Variants in BDNF observed in about 807,000 individuals in gnomAD.
The protein encoded by BDNF is neurotrophic factor BDNF precursor form.
A neutral mutation model predicts 19.5 loss-of-function variants in BDNF; 1 was observed. That is an observed-to-expected ratio of 0.05 (90% confidence interval 0.02 to 0.24). BDNF has a LOEUF of 0.24. BDNF is among the 10% of genes least tolerant of loss of function. The probability of loss-of-function intolerance (pLI) is 1.00; values close to 1 mark genes in which losing one functional copy is unlikely to be tolerated. For synonymous variants in BDNF, 100 were observed against 121.6 expected (o/e 0.82, Z 1.17); for missense variants, 195 against 317.6 (o/e 0.61, Z 2.93).
At chr11:27,667,173 C>T (rs1854498964) in intron 1 of BDNF, among the ~76,000 whole-genome samples, 1 of 152,110 alleles carries the variant, frequency 6.6e-6, no homozygotes, top group Middle Eastern at 3.2e-3. Flanking sequence ...AACTAAGCTT[C>T]ATAAGTGAAG....
intron 1 of BDNF, among the ~76,000 whole-genome samples, chr11:27,697,245 C>G (rs1859197903): frequency 6.6e-6 from 1 of 151,964 alleles, no homozygotes; most frequent in African/African-American, 2.4e-5. Context: ...AACAAGTTCT[C>G]TGCTATACTA....
At chr11:27,670,565 A>G (rs1055106009) in intron 1 of BDNF, among the ~76,000 whole-genome samples, 4 of 152,238 alleles carry the variant, frequency 2.6e-5, no homozygotes, top group Admixed American at 2.6e-4. Context: ...TTTACAAGAA[A>G]AAATCAAATG....
intron 1 of BDNF, among the ~76,000 whole-genome samples, chr11:27,714,404 A>G (rs919512293): frequency 1.3e-5 from 2 of 152,194 alleles, no homozygotes; most frequent in South Asian, 2.1e-4. Context: ...TTTGATTTTA[A>G]AAGGAAATGA....
At chr11:27,688,800 AC>A (rs1857849866) in intron 1 of BDNF, among the ~76,000 whole-genome samples, 1 of 152,106 alleles carries the variant, frequency 6.6e-6, no homozygotes, top group Admixed American at 6.5e-5. Flanking sequence ...TGCAGAAATC[AC>A]CCACCTTCTG....
chr11:27,713,952 A>C (rs1860428408), intron 1 of BDNF, among the ~76,000 whole-genome samples: 1 of 152,232 alleles, frequency 6.6e-6, no homozygotes, highest in South Asian at 2.1e-4. Flanking sequence ...TTTATTTTTA[A>C]ATTAATACTT....
intron 1 of BDNF, among the ~76,000 whole-genome samples, chr11:27,694,838 A>G (rs968650453): frequency 1.3e-5 from 2 of 152,204 alleles, no homozygotes; most frequent in Non-Finnish European, 2.9e-5. Flanking sequence ...TGTATCTCAG[A>G]AAGTATAATG....
chr11:27,681,288 C>T (rs1241979507), intron 1 of BDNF, among the ~76,000 whole-genome samples: 2 of 152,160 alleles, frequency 1.3e-5, no homozygotes, highest in East Asian at 3.8e-4. Context: ...CATGAAGTGT[C>T]TGTTTAGGAA....
intron 1 of BDNF, among the ~76,000 whole-genome samples, chr11:27,712,570 G>A (rs1201489376): frequency 6.6e-6 from 1 of 150,602 alleles, no homozygotes; most frequent in Non-Finnish European, 1.5e-5. Context: ...AGGCTGGAGT[G>A]CAGTGGCTAA....
chr11:27,697,164 C>CAGAGAGAGAGAGAGAGAGAGAGAG (rs72348822), intron 1 of BDNF, among the ~76,000 whole-genome samples: 7 of 133,084 alleles, frequency 5.3e-5, no homozygotes, highest in African/African-American at 1.7e-4. Flanking sequence ...CACACACACA[C>CAGAGAGAGAGAGAGAGAGAGAGAG]AGAGAGAGAG....
intron 1 of BDNF, among the ~76,000 whole-genome samples, chr11:27,669,897 GA>G (rs369811230): frequency 5.3e-5 from 8 of 151,758 alleles, no homozygotes; most frequent in African/African-American, 1.5e-4. Context: ...CACAGAATTG[GA>G]AAAAAACTAC....
chr11:27,706,765 A>T (rs1013543766), intron 1 of BDNF, among the ~76,000 whole-genome samples: 1 of 152,208 alleles, frequency 6.6e-6, no homozygotes, highest in East Asian at 1.9e-4. Context: ...GGGAAAAACT[A>T]AAGGGAAGAT....
At chr11:27,677,990 A>G (rs1856394266) in intron 1 of BDNF, among the ~76,000 whole-genome samples, 1 of 152,136 alleles carries the variant, frequency 6.6e-6, no homozygotes, top group Admixed American at 6.5e-5. Context: ...TCAAGGTGGG[A>G]CAATTGGGTA....
chr11:27,700,465 C>T (rs1221647186), upstream of BDNF: 19 of 984,196 alleles, frequency 1.9e-5, no homozygotes, highest in Non-Finnish European at 2.2e-5. Flanking sequence ...CGCCTTGCGC[C>T]CGGGTCAGAC....
At position 27,657,820 on chromosome 11, in the gene BDNF, A is replaced by ACTAT; in HGVS notation, c.741_744dup. On this transcript the variant is annotated 3_prime_UTR_variant, in exon 2 of 2. Transcript: ENST00000356660. The surrounding 1 kb of genome is among the most constrained non-coding windows in gnomAD (Gnocchi z 5.0). ...AATCTAATCTATACAACATAAATCC[A>ACTAT]CTATCTTCCCCTTTTAATGGTCAAT... is the stretch of plus-strand genomic sequence containing the variant. The ACTAT allele has an allele frequency of 6.2e-7, 1 of 1,613,016 alleles. No homozygotes were observed. Among genetic ancestry groups the ACTAT allele is most frequent in the Middle Eastern group, 1.7e-4 (1 of 6,058 alleles).
chr11:27,661,815 G>A (rs1010356719), intron 1 of BDNF, among the ~76,000 whole-genome samples: 1 of 152,112 alleles, frequency 6.6e-6, no homozygotes, highest in Non-Finnish European at 1.5e-5. Flanking sequence ...CTCCTGACTT[G>A]TTCCATTCCT....
chr11:27,717,921 ATTT>A (rs1220125354), intron 1 of BDNF, among the ~76,000 whole-genome samples: 1 of 151,622 alleles, frequency 6.6e-6, no homozygotes, highest in African/African-American at 2.4e-5. Context: ...TTTGAGGTTT[ATTT>A]AAGTTGTTAA....
intron 1 of BDNF, among the ~76,000 whole-genome samples, chr11:27,718,600 TCTGA>T (rs1470883833): frequency 8.1e-6 from 1 of 122,980 alleles, no homozygotes; most frequent in African/African-American, 3.1e-5. Flanking sequence ...TTCGCGTAGA[TCTGA>T]CTGAGAAAAC....
At chr11:27,701,416 A>G, upstream of BDNF, 1 of 1,038,600 alleles carries the variant, frequency 9.6e-7, no homozygotes, top group Non-Finnish European at 1.2e-6. Context: ...TAAAGGGGGG[A>G]GGGGGCGCGA....
intron 1 of BDNF, chr11:27,699,458 C>T: frequency 6.2e-7 from 1 of 1,614,170 alleles, no homozygotes; most frequent in Non-Finnish European, 8.5e-7. Context: ...CAACCACTCC[C>T]CGAAAGTCAA....
Sources: gnomAD v4.1 joint callset for allele counts (sites outside exome capture counted in the v4.1 genomes callset) on GRCh38, gnomAD v4.1.1 for gene constraint, Gnocchi (gnomAD v3.1) non-coding constraint, MANE v1.5 for transcripts, NCBI Gene and HGNC (gene_info 2026-07-23, HGNC 2026-07-21) for gene names.